HPRT1: variants seen among roughly 807,000 people sequenced by gnomAD.
HPRT1 encodes hypoxanthine phosphoribosyltransferase 1.
A neutral mutation model predicts 19.0 loss-of-function variants in HPRT1; 4 were observed. The observed-to-expected ratio is 0.21, with a 90% CI of 0.10 to 0.48. The LOEUF (loss-of-function observed/expected upper bound fraction) is 0.48, where lower values mean the gene tolerates loss of function less well. HPRT1 is among the 20% of genes least tolerant of loss of function. The probability of loss-of-function intolerance (pLI) is 0.98; values close to 1 mark genes in which losing one functional copy is unlikely to be tolerated. For synonymous variants in HPRT1, 53 were observed against 54.9 expected, an observed-to-expected ratio of 0.97 and a Z score of 0.15; for missense variants, 65 against 164.0, an observed-to-expected ratio of 0.40 and a Z score of 3.30.
chrX:134,490,143 C>A (rs746099070), intron 4 of HPRT1, 45 bp from the exon 5 acceptor site: 1 of 874,949 alleles, frequency 1.1e-6, no homozygotes, highest in South Asian at 2.2e-5. Context: ...ATTGGAAATA[C>A]CGTTTTATTC....
intron 1 of HPRT1, among the ~76,000 whole-genome samples, chrX:134,466,082 C>T (rs756746345): frequency 9.2e-6 from 1 of 108,474 alleles, no homozygotes; most frequent in Non-Finnish European, 1.9e-5. Context: ...TAGAAGAAGT[C>T]GGGAGGGTTG....
At chrX:134,462,944 T>C (rs964307778) in intron 1 of HPRT1, among the ~76,000 whole-genome samples, 4 of 112,202 alleles carry the variant, frequency 3.6e-5, no homozygotes, top group Admixed American at 2.8e-4. Flanking sequence ...AACCTAAGTT[T>C]GTCTCACCCC....
chrX:134,468,458 T>TA (rs1286203042), intron 1 of HPRT1, among the ~76,000 whole-genome samples: 1 of 108,311 alleles, frequency 9.2e-6, no homozygotes, highest in Admixed American at 9.9e-5. Flanking sequence ...ACAAAAAAAA[T>TA]ACAAAAGAAT....
intron 3 of HPRT1, among the ~76,000 whole-genome samples, chrX:134,479,788 T>G (rs1255498265): frequency 5.4e-5 from 6 of 110,592 alleles, no homozygotes; most frequent in African/African-American, 1.6e-4. Context: ...GCATTTTTTT[T>G]TGTAGAAACA....
At chrX:134,498,908 A>G (rs1249585427) in intron 8 of HPRT1, among the ~76,000 whole-genome samples, 1 of 111,921 alleles carries the variant, frequency 8.9e-6, no homozygotes, top group East Asian at 2.8e-4. Flanking sequence ...TTAATATACA[A>G]TAATTGTTGC....
At chrX:134,478,382 C>T (rs1304307196) in intron 3 of HPRT1, among the ~76,000 whole-genome samples, 1 of 111,186 alleles carries the variant, frequency 9.0e-6, no homozygotes, top group South Asian at 3.8e-4. Flanking sequence ...TTTGGGAGAT[C>T]GAGGTGGGAG....
At chrX:134,488,939 A>T (rs2077660261) in intron 4 of HPRT1, among the ~76,000 whole-genome samples, 1 of 112,025 alleles carries the variant, frequency 8.9e-6, no homozygotes, top group Non-Finnish European at 1.9e-5. Flanking sequence ...CCTGTAAAAT[A>T]GGCTACCAAT....
intron 4 of HPRT1, among the ~76,000 whole-genome samples, chrX:134,486,818 T>TAA (rs200825657): frequency 1.7e-4 from 15 of 88,008 alleles, no homozygotes; most frequent in Non-Finnish European, 2.3e-4. Context: ...AGATAGCCTT[T>TAA]AAAAAAAAAA....
chrX:134,495,953 G>A (rs903123416), intron 6 of HPRT1, among the ~76,000 whole-genome samples: 22 of 112,174 alleles, frequency 2.0e-4, no homozygotes, highest in Admixed American at 1.7e-3. Context: ...CCTTGTTTTG[G>A]CTGAATAATA....
chrX:134,484,149 C>G (rs1366726283), intron 3 of HPRT1, among the ~76,000 whole-genome samples: 1 of 112,133 alleles, frequency 8.9e-6, no homozygotes, highest in Non-Finnish European at 1.9e-5. Flanking sequence ...TGACTCCATA[C>G]TTTTCAGTTC....
chrX:134,486,223 G>A (rs1192315838), intron 3 of HPRT1, among the ~76,000 whole-genome samples: 5 of 110,908 alleles, frequency 4.5e-5, no homozygotes, highest in East Asian at 2.8e-4. Context: ...AGTAATGGCC[G>A]ATTAGGACTT....
chrX:134,462,137 C>T (rs750858617), intron 1 of HPRT1, among the ~76,000 whole-genome samples: 3 of 111,011 alleles, frequency 2.7e-5, no homozygotes, highest in Non-Finnish European at 5.7e-5. Context: ...ACTACAGGTG[C>T]GCACCACCAT....
At chrX:134,499,709 CAGG>C (rs1350792791) in intron 8 of HPRT1, among the ~76,000 whole-genome samples, 2 of 108,576 alleles carry the variant, frequency 1.8e-5, no homozygotes, top group Non-Finnish European at 3.8e-5. Context: ...GAGGCTGAGG[CAGG>C]AGAATGGCGT....
chrX:134,498,759 C>T, intron 8 of HPRT1, 75 bp downstream of exon 8: 2 of 654,759 alleles, frequency 3.1e-6, no homozygotes, highest in Non-Finnish European at 5.1e-6. Flanking sequence ...TTGTTTTCTC[C>T]TTCCAGCACC....
At chrX:134,495,197 GAA>G (rs56037049) in intron 6 of HPRT1, among the ~76,000 whole-genome samples, 51 of 67,516 alleles carry the variant, frequency 7.6e-4, no homozygotes, top group South Asian at 1.6e-3. Context: ...CCCTGTCTCA[GAA>G]AAAAAAAAAA....
At position 134,486,522 on chromosome X, in the gene HPRT1, A is replaced by T; in HGVS notation, c.376A>T (p.Thr126Ser). ...VIGGDDLSTLTGKNVLIVEDI... is the reference protein window; with the variant it reads ...VIGGDDLSTLSGKNVLIVEDI... ...TGGTGGAGATGATCTCTCAACTTTA[A>T]CTGGAAAGGTATGTATCTTGAAAGG... Residue 126 changes from threonine to serine, a missense_variant, in exon 4 of 9, where the codon ACT becomes TCT. Thr to Ser is a moderately conservative substitution (Grantham distance 58, BLOSUM62 1). Around this residue, in one of 4 missense-constraint regions of HPRT1, gnomAD observed 16 missense variants for 16.0 expected, o/e 1.00. Transcript: ENST00000298556. 1 of 1,142,133 alleles carries T rather than the reference A, an allele frequency of 8.8e-7. No individual in the cohort carries two copies. Among genetic ancestry groups the T allele is most frequent in the South Asian group, 1.8e-5 (1 of 55,138 alleles). The allele number at this position is 1,142,133 out of a possible 1,213,427, so 94.1% of individuals were successfully genotyped here.
chrX:134,480,880 T>C (rs1199450723), intron 3 of HPRT1, among the ~76,000 whole-genome samples: 2 of 105,682 alleles, frequency 1.9e-5, no homozygotes, highest in Non-Finnish European at 3.9e-5. Flanking sequence ...TTGATCTTGA[T>C]AGTGACTTGA....
chrX:134,485,631 A>G (rs2077650929), intron 3 of HPRT1, among the ~76,000 whole-genome samples: 1 of 111,687 alleles, frequency 9.0e-6, no homozygotes, highest in Admixed American at 9.6e-5. Context: ...AAATCCTCAT[A>G]TAGTTCTGGG....
At chrX:134,476,770 A>T (rs765847674) in intron 3 of HPRT1, among the ~76,000 whole-genome samples, 2 of 111,427 alleles carry the variant, frequency 1.8e-5, no homozygotes, top group South Asian at 7.5e-4. Flanking sequence ...AAAGCATTTC[A>T]TGTTATAAGA....
Sources: allele counts gnomAD v4.1 joint callset (sites outside exome capture counted in the v4.1 genomes callset), GRCh38; gene constraint gnomAD v4.1.1; regional missense constraint gnomAD v4.1.1; transcripts MANE v1.5; gene names NCBI Gene and HGNC (gene_info 2026-07-23, HGNC 2026-07-21).